PIP5K1B: variants seen among roughly 807,000 people sequenced by gnomAD.
The protein encoded by PIP5K1B is phosphatidylinositol 4-phosphate 5-kinase type-1 beta.
A neutral mutation model predicts 67.0 loss-of-function variants in PIP5K1B; 42 were observed. That is an observed-to-expected ratio of 0.63 (90% CI 0.49 to 0.81). PIP5K1B has a LOEUF of 0.81. Among genes scored for constraint, PIP5K1B ranks in the 30% least tolerant of loss-of-function variants. The pLI is 0.00. For missense variants in PIP5K1B, 459 were observed against 646.3 expected, an observed-to-expected ratio of 0.71 and a Z score of 3.14; for synonymous variants, 214 against 231.4, an observed-to-expected ratio of 0.92 and a Z score of 0.68.
chr9:69,006,345 G>T (rs1831075361), intron 15 of PIP5K1B, among the ~76,000 whole-genome samples: 1 of 152,136 alleles, frequency 6.6e-6, no homozygotes, highest in Admixed American at 6.5e-5. Context: ...CACATGACAT[G>T]TGCTGGGGGA....
At chr9:68,798,957 A>C (rs953192119) in intron 2 of PIP5K1B, among the ~76,000 whole-genome samples, 2 of 152,244 alleles carry the variant, frequency 1.3e-5, no homozygotes, top group East Asian at 3.8e-4. Flanking sequence ...AGAGAAATCA[A>C]GAATGACTGA....
intron 2 of PIP5K1B, among the ~76,000 whole-genome samples, chr9:68,754,238 T>C (rs1393209962): frequency 2.9e-5 from 4 of 137,306 alleles, no homozygotes; most frequent in East Asian, 4.8e-4. Flanking sequence ...GGCGCGATCT[T>C]GGCTCACTGC....
chr9:68,789,371 C>G (rs1831827450), intron 2 of PIP5K1B: 3 of 391,236 alleles, frequency 7.7e-6, no homozygotes, highest in Non-Finnish European at 1.5e-5. Flanking sequence ...TCCTTCATCA[C>G]TAATTCTGAA....
chr9:68,789,052 C>T, intron 2 of PIP5K1B: 2 of 479,606 alleles, frequency 4.2e-6, no homozygotes, highest in Non-Finnish European at 8.1e-6. Context: ...TCAATCATCC[C>T]CTGGGTTTCA....
chr9:68,984,823 C>T (rs549506082), intron 14 of PIP5K1B, among the ~76,000 whole-genome samples: 1 of 152,308 alleles, frequency 6.6e-6, no homozygotes, highest in South Asian at 2.1e-4. Flanking sequence ...TTTCAAGCTC[C>T]TAGGCACATT....
rs530680099 is a variant in PIP5K1B at position 68,764,635 on chromosome 9, C to CAATG, written c.-86+21978_-86+21979insAATG. Among the ~76,000 whole-genome samples the CAATG allele has an allele frequency of 8.6e-4, 130 of 152,038 alleles. 2 individuals are homozygous for CAATG. In the South Asian group the frequency reaches 0.017, roughly 19 times the overall value. ...ACTACTGTTTAATGCTATAATGTTA[C>CAATG]CTTATACATTCTACCAAGCATTGTA... is the stretch of plus-strand genomic sequence containing the variant. On this transcript the variant is annotated intron_variant, in intron 2 of 15. Coordinates refer to ENST00000265382, the MANE Select transcript of PIP5K1B (RefSeq NM_003558.4).
At chr9:68,773,158 T>C (rs1222404501) in intron 2 of PIP5K1B, among the ~76,000 whole-genome samples, 1 of 152,214 alleles carries the variant, frequency 6.6e-6, no homozygotes, top group Non-Finnish European at 1.5e-5. Flanking sequence ...GATCCAAGTA[T>C]ATAAATCCAA....
intron 12 of PIP5K1B, among the ~76,000 whole-genome samples, chr9:68,934,140 T>C (rs919038801): frequency 6.6e-6 from 1 of 152,216 alleles, no homozygotes; most frequent in Non-Finnish European, 1.5e-5. Context: ...TAAATAAGGA[T>C]GGCCTTGCTG....
chr9:68,727,771 C>T (rs963832900), intron 1 of PIP5K1B: 2 of 152,166 alleles, frequency 1.3e-5, no homozygotes, highest in East Asian at 1.9e-4. Flanking sequence ...GCCCCAGAGC[C>T]GTCTCTCTAC....
intron 1 of PIP5K1B, among the ~76,000 whole-genome samples, chr9:68,733,255 T>G (rs1024770551): frequency 1.3e-5 from 2 of 152,364 alleles, no homozygotes; most frequent in East Asian, 3.9e-4. Flanking sequence ...TAGGTGCTGG[T>G]TATTCCTCCA....
chr9:68,969,094 C>T (rs940326992), intron 14 of PIP5K1B, among the ~76,000 whole-genome samples: 5 of 151,952 alleles, frequency 3.3e-5, no homozygotes, highest in Middle Eastern at 3.2e-3. Context: ...TGAGGCCGGG[C>T]GCGGTGGCTC....
At chr9:68,713,645 T>C (rs1411332339) in intron 1 of PIP5K1B, among the ~76,000 whole-genome samples, 1 of 152,210 alleles carries the variant, frequency 6.6e-6, no homozygotes, top group Non-Finnish European at 1.5e-5. Context: ...AGTCTTGGCT[T>C]TTCTCAGAAC....
At chr9:68,914,094 T>G (rs1195385570) in intron 8 of PIP5K1B, among the ~76,000 whole-genome samples, 1 of 152,218 alleles carries the variant, frequency 6.6e-6, no homozygotes, top group Non-Finnish European at 1.5e-5. Context: ...TAAAAAAATC[T>G]TCTTAACAAT....
intron 5 of PIP5K1B, among the ~76,000 whole-genome samples, chr9:68,869,743 C>T (rs1564195475): frequency 1.3e-5 from 2 of 152,026 alleles, no homozygotes; most frequent in African/African-American, 2.4e-5. Context: ...TTTGGGAGGC[C>T]GAGGTGGGAA....
intron 2 of PIP5K1B, among the ~76,000 whole-genome samples, chr9:68,744,487 A>G (rs1829178007): frequency 6.6e-6 from 1 of 152,222 alleles, no homozygotes; most frequent in Non-Finnish European, 1.5e-5. Flanking sequence ...GTCTAGTATC[A>G]TGGGATAGTT....
intron 2 of PIP5K1B, among the ~76,000 whole-genome samples, chr9:68,816,725 C>T (rs1405929880): frequency 1.3e-5 from 2 of 152,110 alleles, no homozygotes; most frequent in Non-Finnish European, 2.9e-5. Context: ...AATTAGGTGT[C>T]CATCTGGGGC....
At chr9:68,952,622 A>G (rs1450047591) in intron 14 of PIP5K1B, among the ~76,000 whole-genome samples, 4 of 151,962 alleles carry the variant, frequency 2.6e-5, no homozygotes, top group Non-Finnish European at 2.9e-5. Context: ...TAACCCTAAC[A>G]CTTGATTGAT....
intron 4 of PIP5K1B, among the ~76,000 whole-genome samples, chr9:68,828,332 A>G (rs183634542): frequency 2.0e-5 from 3 of 152,340 alleles, no homozygotes; most frequent in Non-Finnish European, 4.4e-5. Flanking sequence ...GGCCTCGCCT[A>G]CAGTGTGCAG....
At chr9:68,778,500 T>G (rs1185494922) in intron 2 of PIP5K1B, among the ~76,000 whole-genome samples, 1 of 152,216 alleles carries the variant, frequency 6.6e-6, no homozygotes, top group Non-Finnish European at 1.5e-5. Flanking sequence ...TTTCACAATC[T>G]AAATTTAATC....
Sources: allele counts gnomAD v4.1 joint callset (sites outside exome capture counted in the v4.1 genomes callset), GRCh38; gene constraint gnomAD v4.1.1; transcripts MANE v1.5; gene names NCBI Gene and HGNC (gene_info 2026-07-23, HGNC 2026-07-21).